The following LRIG2 variants were observed in gnomAD, a reference collection of about 807,000 sequenced individuals.
LRIG2 encodes the protein leucine rich repeats and immunoglobulin like domains 2, also known as leucine-rich repeats and immunoglobulin-like domains protein 2.
LRIG2 carries 93 observed loss-of-function variants against 107.8 expected under a neutral mutation model. The ratio of observed to expected loss-of-function variants is 0.86; its 90% CI spans 0.73 to 1.03. LRIG2 has a LOEUF of 1.03. Ranked by LOEUF, LRIG2 falls within the 50% of genes least tolerant of loss-of-function variation. LRIG2 has a pLI of 0.00. For missense variants in LRIG2, 1,226 were observed against 1,296.0 expected, an observed-to-expected ratio of 0.95 and a Z score of 0.83; for synonymous variants, 471 against 470.6, an observed-to-expected ratio of 1.00 and a Z score of -0.01.
intron 8 of LRIG2, 82 bp from the exon 9 acceptor site, chr1:113,098,623 A>G (rs1654168634): frequency 2.4e-6 from 2 of 824,616 alleles, no homozygotes; most frequent in South Asian, 2.8e-5. Flanking sequence ...GTGTACCTTG[A>G]CATCACCATA....
intron 6 of LRIG2, among the ~76,000 whole-genome samples, chr1:113,094,960 TAA>T (rs1356268018): frequency 8.0e-6 from 1 of 124,960 alleles, no homozygotes; most frequent in Non-Finnish European, 1.6e-5. Context: ...ACTTCTCATC[TAA>T]AAAGTTTATA....
At chr1:113,086,733 A>G (rs968877614) in intron 1 of LRIG2, among the ~76,000 whole-genome samples, 5 of 152,206 alleles carry the variant, frequency 3.3e-5, no homozygotes, top group African/African-American at 9.6e-5. Context: ...CATGATATCA[A>G]GGACATTAAT....
chr1:113,073,267 T>C lies in LRIG2; in HGVS notation c.-140T>C. ...CCGCTGTCGCGCTGCGTCTGCTCCTTGCATGCCTTTAGATGGTACAGCCTT... is the reference window on the plus strand; with the variant it reads ...CCGCTGTCGCGCTGCGTCTGCTCCTCGCATGCCTTTAGATGGTACAGCCTT... On this transcript the variant is annotated 5_prime_UTR_variant, in exon 1 of 18. Coordinates refer to ENST00000361127, the MANE Select transcript of LRIG2 (RefSeq NM_014813.3). The C allele has an allele frequency of 1.4e-6, 1 of 724,148 alleles. No individual in the cohort carries two copies. The highest frequency in any genetic ancestry group is 2.4e-6 in the Non-Finnish European group (1 of 419,464). 44.9% of individuals were successfully genotyped at this position (724,148 alleles called of 1,614,324 possible).
chr1:113,119,019 T>C (rs941735269), intron 16 of LRIG2, among the ~76,000 whole-genome samples: 15 of 152,154 alleles, frequency 9.9e-5, no homozygotes, highest in African/African-American at 3.6e-4. Flanking sequence ...TTACCCTATC[T>C]GTAAAGTGGG....
At chr1:113,094,014 T>C (rs1252041364) in intron 4 of LRIG2, among the ~76,000 whole-genome samples, 1 of 150,930 alleles carries the variant, frequency 6.6e-6, no homozygotes, top group South Asian at 2.1e-4. Context: ...ATTTTGTTTG[T>C]TTTTTTTTGA....
chr1:113,085,169 AG>A (rs1235382434), intron 1 of LRIG2, among the ~76,000 whole-genome samples: 1 of 152,250 alleles, frequency 6.6e-6, no homozygotes, highest in Non-Finnish European at 1.5e-5. Context: ...AATAACTGGC[AG>A]AATAATTGCC....
chr1:113,104,500 C>T (rs1317853280), intron 11 of LRIG2, among the ~76,000 whole-genome samples: 1 of 151,994 alleles, frequency 6.6e-6, no homozygotes, highest in African/African-American at 2.4e-5. Flanking sequence ...CATGAGATTA[C>T]ACATCATGGC....
At position 113,093,538 on chromosome 1, in the gene LRIG2, A is replaced by C; in HGVS notation, c.489A>C (p.Ser163=). 1 of 1,584,534 alleles carries C rather than the reference A, an allele frequency of 6.3e-7. No individual in the cohort carries two copies. The highest frequency in any genetic ancestry group is 8.6e-7 in the Non-Finnish European group (1 of 1,162,934). The part of the protein sequence containing the change: ...SNIISEIKTS[S]FPRMQLKYLN... ...TAATATCAGAAATCAAGACATCTTC[A>C]TTTCCTCGCATGCAGCTTAAATACC... The change falls in exon 4 of 18, where the codon TCA becomes TCC. Residue 163 remains serine (S), a synonymous_variant. Transcript: ENST00000361127.
At position 113,114,700 on chromosome 1, in the gene LRIG2, C is replaced by T; in HGVS notation, c.2354C>T (p.Ser785Leu). The T allele has an allele frequency of 1.2e-6, 2 of 1,614,148 alleles. No individual in the cohort carries two copies. Among genetic ancestry groups the T allele is most frequent in the African/African-American group, 1.3e-5 (1 of 75,026 alleles). Residue 785 changes from serine to leucine, a missense_variant, in exon 15 of 18, where the codon TCA becomes TTA. Transcript: ENST00000361127. ...ERGHIYLNVI[S>L]SPNCDSSQSS... is the part of the protein sequence containing the mutation. ...GGCCACATTTACCTAAATGTCATTT[C>T]ATCCCCCAATTGTGACTCTTCCCAG...
intron 12 of LRIG2, among the ~76,000 whole-genome samples, chr1:113,108,578 C>T (rs1223220715): frequency 6.6e-6 from 1 of 151,190 alleles, no homozygotes; most frequent in Non-Finnish European, 1.5e-5. Flanking sequence ...TTTTCCTTTA[C>T]ACTTAAATGT....
intron 1 of LRIG2, among the ~76,000 whole-genome samples, chr1:113,083,997 TATAATAATAATA>T (rs55895711): frequency 0.03 from 3,767 of 125,678 alleles, 258 homozygotes; most frequent in East Asian, 0.28. Context: ...GAACTTAAAG[TATAATAATAATA>T]ATAATAATAA....
At chr1:113,086,155 C>T (rs943913682) in intron 1 of LRIG2, among the ~76,000 whole-genome samples, 7 of 152,012 alleles carry the variant, frequency 4.6e-5, no homozygotes, top group Admixed American at 3.3e-4. Flanking sequence ...AGCCACACGC[C>T]ACCACACCTG....
chr1:113,073,604 G>T lies in LRIG2; in HGVS notation c.198G>T (p.Trp66Cys), dbSNP rs901435130. The T allele has an allele frequency of 6.2e-7, 1 of 1,613,736 alleles. No individual in the cohort carries two copies. The highest frequency in any genetic ancestry group is 8.5e-7 in the Non-Finnish European group (1 of 1,180,026). Residue 66 changes from tryptophan (W) to cysteine (C), a missense_variant, in exon 1 of 18, where the codon TGG becomes TGT. Transcript: ENST00000361127. Reference sequence around the variant, plus strand: ...GCAGGAAATTGCCCGCACCGAGCTGGAGGGCGCTGTCGGGCTTGCTGCCCC... The same window carrying T: ...GCAGGAAATTGCCCGCACCGAGCTGTAGGGCGCTGTCGGGCTTGCTGCCCC... ...CSRRKLPAPS[W>C]RALSGLLPPD... is the part of the protein sequence containing the mutation.
intron 13 of LRIG2, among the ~76,000 whole-genome samples, chr1:113,111,012 A>G (rs72683500): frequency 9.5e-6 from 1 of 105,516 alleles, no homozygotes; most frequent in Non-Finnish European, 2.1e-5. Context: ...GTGTGTGTGT[A>G]TTTTTATTTA....
chr1:113,080,580 G>C (rs892402151), intron 1 of LRIG2, among the ~76,000 whole-genome samples: 1 of 150,128 alleles, frequency 6.7e-6, no homozygotes, highest in African/African-American at 2.5e-5. Flanking sequence ...TGGTTTCACC[G>C]TGTTAGCCAG....
chr1:113,094,235 A>G (rs1477540425), intron 4 of LRIG2, 104 bp from the exon 5 acceptor site: 1 of 713,566 alleles, frequency 1.4e-6, no homozygotes, highest in Non-Finnish European at 2.3e-6. Flanking sequence ...ATGGGCATTA[A>G]GTGATAGAGC....
intron 2 of LRIG2, among the ~76,000 whole-genome samples, chr1:113,092,893 G>A (rs1049627433): frequency 5.3e-5 from 8 of 151,816 alleles, no homozygotes; most frequent in African/African-American, 1.9e-4. Flanking sequence ...GGAGACTGAG[G>A]TAGGAGAATC....
At chr1:113,096,462 T>C in intron 8 of LRIG2, 97 bp downstream of exon 8, 1 of 1,287,770 alleles carries the variant, frequency 7.8e-7, no homozygotes, top group Non-Finnish European at 1.1e-6. Flanking sequence ...GCAAATTCTG[T>C]ATGCTAACAT....
At position 113,127,147 on chromosome 1, in the gene LRIG2, C is replaced by T. The variant is rs1330483711; in HGVS notation, c.*3046C>T. On this transcript the variant is annotated 3_prime_UTR_variant, in exon 18 of 18. Transcript: ENST00000361127. Reference sequence around the variant, plus strand: ...TTTCCAAGTTTGTTTTGTTTTTAATCTTTTACCAATGTGCAGTATATCTTA... The same window carrying T: ...TTTCCAAGTTTGTTTTGTTTTTAATTTTTTACCAATGTGCAGTATATCTTA... The T allele has an allele frequency of 6.6e-6, 1 of 152,204 alleles. No homozygotes were observed. The highest frequency in any genetic ancestry group is 1.5e-5 in the Non-Finnish European group (1 of 68,036). 9.4% of individuals were successfully genotyped at this position (152,204 alleles called of 1,614,324 possible). A position where few individuals can be genotyped will look rare whatever the true frequency, so the allele number is the denominator to read the frequency against.
Sources: gnomAD v4.1 joint callset for allele counts (sites outside exome capture counted in the v4.1 genomes callset) on GRCh38, gnomAD v4.1.1 for gene constraint, MANE v1.5 for transcripts, NCBI Gene and HGNC (gene_info 2026-07-23, HGNC 2026-07-21) for gene names.